Variants in PRMT3 observed in about 807,000 individuals in gnomAD.
PRMT3 encodes the protein protein arginine N-methyltransferase 3.
Under a neutral mutation model 71.9 loss-of-function variants are expected in PRMT3, and 62 were observed. That is an observed-to-expected ratio of 0.86 (90% confidence interval 0.70 to 1.07). PRMT3 has a LOEUF of 1.07. Ranked by LOEUF, PRMT3 falls within the 50% of genes least tolerant of loss-of-function variation. PRMT3 has a pLI of 0.00. For synonymous variants in PRMT3, 213 were observed against 220.4 expected (o/e 0.97, Z 0.30); for missense variants, 663 against 643.0 (o/e 1.03, Z -0.34).
chr11:20,423,873 TAAAAAAAAAA>T (rs58636447), intron 9 of PRMT3, among the ~76,000 whole-genome samples: 4 of 27,100 alleles, frequency 1.5e-4, no homozygotes, highest in African/African-American at 3.4e-4. Context: ...GATTCTCTCT[TAAAAAAAAAA>T]AAAAAAAAAA....
intron 10 of PRMT3, among the ~76,000 whole-genome samples, chr11:20,430,281 G>A (rs1292208496): frequency 1.3e-5 from 2 of 152,004 alleles, no homozygotes; most frequent in South Asian, 2.1e-4. Flanking sequence ...TCCAGAATTG[G>A]GCACAGATGT....
intron 13 of PRMT3, among the ~76,000 whole-genome samples, chr11:20,477,811 C>A (rs988498136): frequency 3.5e-5 from 5 of 144,314 alleles, no homozygotes; most frequent in African/African-American, 7.5e-5. Context: ...AACCCCCCCC[C>A]CCCACTTCCT....
chr11:20,453,120 C>T (rs530475722), intron 11 of PRMT3, among the ~76,000 whole-genome samples: 1 of 152,136 alleles, frequency 6.6e-6, no homozygotes, highest in East Asian at 1.9e-4. Flanking sequence ...ATGCAAAGGA[C>T]TTGACCATAG....
intron 10 of PRMT3, among the ~76,000 whole-genome samples, chr11:20,441,348 C>G (rs1308545192): frequency 6.6e-6 from 1 of 151,226 alleles, no homozygotes; most frequent in Admixed American, 6.6e-5. Context: ...CTCTTTCGCC[C>G]AGGCTGGAGT....
In PRMT3 at chr11:20,482,087, A is replaced by T. The variant is rs182214255; in HGVS notation, c.1348-11832A>T. ...GAATGCAAAAGTCCACAAAATGAGG[A>T]ACCCTGCAGTTGAGTAAAATAACCT... On this transcript the variant is annotated intron_variant, in intron 13 of 15. Transcript: ENST00000331079. 1.8e-4 allele frequency among the ~76,000 whole-genome samples: 27 copies of T among 152,268 alleles called. 1 individual carries two copies. In the East Asian group the frequency reaches 5.0e-3, roughly 28 times the overall value.
At chr11:20,389,677 G>C in intron 2 of PRMT3, 67 bp from the exon 3 acceptor site, 2 of 1,071,344 alleles carry the variant, frequency 1.9e-6, no homozygotes, top group Admixed American at 4.3e-5. Context: ...AAGTGTATAT[G>C]TAACATGAAA....
chr11:20,457,867 C>A (rs566867473), intron 11 of PRMT3, among the ~76,000 whole-genome samples: 10 of 152,100 alleles, frequency 6.6e-5, no homozygotes, highest in Non-Finnish European at 1.5e-4. Flanking sequence ...TGAGTTTGTT[C>A]AGTAATAGAG....
intron 11 of PRMT3, among the ~76,000 whole-genome samples, chr11:20,461,264 AG>A (rs1311388234): frequency 3.9e-5 from 6 of 152,068 alleles, no homozygotes; most frequent in Non-Finnish European, 7.4e-5. Flanking sequence ...ACTGGGCTTC[AG>A]TTCTTATCTT....
intron 10 of PRMT3, among the ~76,000 whole-genome samples, chr11:20,443,599 T>C (rs769442054): frequency 3.3e-5 from 5 of 152,208 alleles, no homozygotes; most frequent in Non-Finnish European, 5.9e-5. Context: ...CCAGTTACCA[T>C]TAATGAATTT....
chr11:20,451,982 A>G, intron 10 of PRMT3, 148 bp from the exon 11 acceptor site: 2 of 467,218 alleles, frequency 4.3e-6, no homozygotes, highest in Non-Finnish European at 7.1e-6. Flanking sequence ...ACTGCAAAAA[A>G]AAGTTTCAGA....
chr11:20,441,542 C>G (rs187208877), intron 10 of PRMT3, among the ~76,000 whole-genome samples: 4 of 151,688 alleles, frequency 2.6e-5, no homozygotes, highest in South Asian at 4.2e-4. Flanking sequence ...CTCCTGACCT[C>G]GTGATCCACC....
intron 13 of PRMT3, among the ~76,000 whole-genome samples, chr11:20,486,281 G>C (rs1043117374): frequency 3.3e-5 from 5 of 152,156 alleles, no homozygotes; most frequent in Admixed American, 1.3e-4. Flanking sequence ...ATGTTGAATT[G>C]TACAATTTAA....
At position 20,441,497 on chromosome 11, in the gene PRMT3, C is replaced by T. The variant is rs1458858856; in HGVS notation, c.994-10633C>T. 8.6e-5 allele frequency among the ~76,000 whole-genome samples: 13 copies of T among 151,600 alleles called. No homozygotes were observed. In the East Asian group the frequency reaches 1.6e-3, roughly 18 times the overall value. On this transcript the variant is annotated intron_variant, in intron 10 of 15. Coordinates refer to ENST00000331079, the MANE Select transcript of PRMT3 (RefSeq NM_005788.4). The stretch of plus-strand genomic sequence containing the variant: ...ATTTTTTTTGTATTTTTAGTAGAGA[C>T]GGGGTTTCACCATGTTAGCCAGGAT...
chr11:20,492,182 C>T (rs1414235514), intron 13 of PRMT3, among the ~76,000 whole-genome samples: 2 of 152,066 alleles, frequency 1.3e-5, no homozygotes, highest in Non-Finnish European at 2.9e-5. Flanking sequence ...ATTTGCTCAT[C>T]AAATATTGTA....
At chr11:20,490,817 G>GTTA (rs1324873271) in intron 13 of PRMT3, among the ~76,000 whole-genome samples, 2 of 151,896 alleles carry the variant, frequency 1.3e-5, no homozygotes, top group Non-Finnish European at 2.9e-5. Flanking sequence ...TTCTGTTCTT[G>GTTA]TTGTTCCAGT....
At chr11:20,414,312 A>G (rs900181849) in intron 9 of PRMT3, among the ~76,000 whole-genome samples, 1 of 152,214 alleles carries the variant, frequency 6.6e-6, no homozygotes, top group African/African-American at 2.4e-5. Flanking sequence ...CTGACAGTAT[A>G]TCAGGTTTTA....
intron 13 of PRMT3, among the ~76,000 whole-genome samples, chr11:20,486,032 A>G (rs1851063311): frequency 6.6e-6 from 1 of 152,226 alleles, no homozygotes; most frequent in East Asian, 1.9e-4. Context: ...CAGCTACAAA[A>G]AAGAATGAAA....
At chr11:20,506,494 C>T (rs1851593894) in intron 15 of PRMT3, among the ~76,000 whole-genome samples, 1 of 151,678 alleles carries the variant, frequency 6.6e-6, no homozygotes, top group African/African-American at 2.4e-5. Context: ...CTGTGAGTCT[C>T]ACCTTTTTTG....
chr11:20,486,149 G>A (rs1214320686), intron 13 of PRMT3, among the ~76,000 whole-genome samples: 1 of 152,164 alleles, frequency 6.6e-6, no homozygotes, highest in East Asian at 1.9e-4. Flanking sequence ...ATCCAGAATA[G>A]GTATATTTGT....
Sources: allele counts gnomAD v4.1 joint callset (sites outside exome capture counted in the v4.1 genomes callset), GRCh38; gene constraint gnomAD v4.1.1; transcripts MANE v1.5; gene names NCBI Gene and HGNC (gene_info 2026-07-23, HGNC 2026-07-21).